Variants in TDRD3 observed in about 807,000 individuals in gnomAD.
TDRD3 encodes tudor domain containing 3, also known as tudor domain-containing protein 3.
TDRD3 carries 45 observed loss-of-function variants against 86.7 expected under a neutral mutation model. That is an observed-to-expected ratio of 0.52 (90% CI 0.41 to 0.67). The LOEUF is 0.67. TDRD3 is among the 30% of genes least tolerant of loss of function. TDRD3 has a pLI of 0.00. For missense variants in TDRD3, 814 were observed against 889.0 expected, an observed-to-expected ratio of 0.92 and a Z score of 1.07; for synonymous variants, 298 against 301.7, an observed-to-expected ratio of 0.99 and a Z score of 0.13.
At chr13:60,424,010 G>T (rs1053225425) in intron 1 of TDRD3, among the ~76,000 whole-genome samples, 1 of 151,566 alleles carries the variant, frequency 6.6e-6, no homozygotes, top group Non-Finnish European at 1.5e-5. Context: ...CCATGCAGTG[G>T]TTTTTTTTGT....
At chr13:60,507,628 C>T (rs901163486) in intron 8 of TDRD3, among the ~76,000 whole-genome samples, 10 of 152,114 alleles carry the variant, frequency 6.6e-5, no homozygotes, top group African/African-American at 2.4e-4. Flanking sequence ...TAAATAAGTT[C>T]TTTGAAACCA....
intron 8 of TDRD3, among the ~76,000 whole-genome samples, chr13:60,500,620 A>G (rs940360720): frequency 1.3e-5 from 2 of 152,252 alleles, no homozygotes; most frequent in South Asian, 4.1e-4. Context: ...CTAGTTGTGC[A>G]CTTTGCATTT....
chr13:60,409,724 A>G (rs1443156596), intron 1 of TDRD3, among the ~76,000 whole-genome samples: 1 of 152,218 alleles, frequency 6.6e-6, no homozygotes, highest in African/African-American at 2.4e-5. Context: ...TTTTGATTGT[A>G]CAGGCTCATA....
intron 1 of TDRD3, among the ~76,000 whole-genome samples, chr13:60,438,680 G>A (rs946067816): frequency 6.6e-6 from 1 of 151,670 alleles, no homozygotes; most frequent in African/African-American, 2.4e-5. Flanking sequence ...TTTTTTGGTT[G>A]CTATTTCTGG....
chr13:60,526,796 C>T (rs1007228620), intron 10 of TDRD3, among the ~76,000 whole-genome samples: 3 of 151,856 alleles, frequency 2.0e-5, no homozygotes, highest in Non-Finnish European at 2.9e-5. Flanking sequence ...TTCTAGCTTC[C>T]ATTGGTTCGG....
intron 5 of TDRD3, among the ~76,000 whole-genome samples, chr13:60,474,345 C>T (rs973422777): frequency 3.9e-5 from 6 of 152,182 alleles, no homozygotes; most frequent in African/African-American, 9.6e-5. Context: ...GGGGTCACTA[C>T]CGGTCTCCGC....
chr13:60,541,022 A>C (rs766207892), intron 12 of TDRD3, among the ~76,000 whole-genome samples: 1 of 152,204 alleles, frequency 6.6e-6, no homozygotes, highest in Admixed American at 6.5e-5. Flanking sequence ...TTATTTAACT[A>C]TTACTAAGTG....
At chr13:60,476,530 G>T (rs184074206) in intron 5 of TDRD3, among the ~76,000 whole-genome samples, 6 of 152,046 alleles carry the variant, frequency 3.9e-5, no homozygotes, top group Admixed American at 6.5e-5. Flanking sequence ...TTGTATTGGT[G>T]ATATGGGCTC....
intron 5 of TDRD3, among the ~76,000 whole-genome samples, chr13:60,476,542 T>G (rs1158710383): frequency 2.0e-5 from 3 of 152,162 alleles, no homozygotes; most frequent in African/African-American, 7.2e-5. Flanking sequence ...TATGGGCTCA[T>G]TTTTGGTTCC....
intron 7 of TDRD3, among the ~76,000 whole-genome samples, chr13:60,488,603 T>C (rs536620223): frequency 6.6e-6 from 1 of 152,278 alleles, no homozygotes; most frequent in East Asian, 1.9e-4. Context: ...TGACAGAGTC[T>C]TGCTCTGTTG....
intron 2 of TDRD3, 66 bp from the exon 3 acceptor site, chr13:60,444,617 C>A: frequency 1.1e-6 from 1 of 926,672 alleles, no homozygotes; most frequent in South Asian, 2.0e-5. Flanking sequence ...ATCTTTTGTT[C>A]ATGAGGTTAG....
upstream of TDRD3, chr13:60,396,835 CCT>C (rs573703498): frequency 3.9e-3 from 601 of 152,612 alleles, 3 homozygotes; most frequent in Non-Finnish European, 6.5e-3. Context: ...GCTGGGGACA[CCT>C]CTGAGTTTTG....
chr13:60,404,807 G>A (rs1037747482), intron 1 of TDRD3, among the ~76,000 whole-genome samples: 8 of 152,194 alleles, frequency 5.3e-5, no homozygotes, highest in African/African-American at 1.4e-4. Context: ...TTGGTTCTGC[G>A]TCCTCACCCA....
rs1047501027 is a variant in TDRD3, at chr13:60,484,887, C to G, written c.568-912C>G. On this transcript the variant is annotated intron_variant, in intron 6 of 13. Transcript: ENST00000377881. ...TAAACATTTTGGTGATAATATTTCTCTTCCAGAGACTTATGATCTAATTAT... is the reference window on the plus strand; with the variant it reads ...TAAACATTTTGGTGATAATATTTCTGTTCCAGAGACTTATGATCTAATTAT... 3.2e-5 allele frequency: 9 copies of G among 281,098 alleles called. 1 individual carries two copies. The highest frequency in any genetic ancestry group is 2.8e-4 in the South Asian group (8 of 28,556). The allele number at this position is 281,098 out of a possible 1,614,324, so 17.4% of individuals were successfully genotyped here. A position where few individuals can be genotyped will look rare whatever the true frequency, so the allele number is the denominator to read the frequency against.
intron 3 of TDRD3, among the ~76,000 whole-genome samples, chr13:60,451,745 A>T (rs1955548947): frequency 1.3e-5 from 2 of 152,172 alleles, no homozygotes; most frequent in African/African-American, 4.8e-5. Flanking sequence ...TGTATATGAG[A>T]TTCAATTGAG....
intron 4 of TDRD3, among the ~76,000 whole-genome samples, chr13:60,465,417 A>G (rs1955896979): frequency 6.6e-6 from 1 of 152,186 alleles, no homozygotes; most frequent in Non-Finnish European, 1.5e-5. Flanking sequence ...GATGGTTACT[A>G]CATTTACCAC....
intron 10 of TDRD3, among the ~76,000 whole-genome samples, chr13:60,523,573 CTTTTTTT>C (rs67692021): frequency 2.9e-5 from 3 of 105,052 alleles, no homozygotes; most frequent in African/African-American, 7.2e-5. Context: ...ATACATTTTT[CTTTTTTT>C]TTTTTTTTTT....
At chr13:60,468,157 A>T (rs1028277176) in intron 5 of TDRD3, among the ~76,000 whole-genome samples, 2 of 152,152 alleles carry the variant, frequency 1.3e-5, no homozygotes, top group Non-Finnish European at 2.9e-5. Context: ...TGCCATTTAT[A>T]TTCTAGCCCT....
chr13:60,425,118 CTA>C (rs1402319363), intron 1 of TDRD3, among the ~76,000 whole-genome samples: 2 of 152,040 alleles, frequency 1.3e-5, no homozygotes, highest in African/African-American at 4.8e-5. Context: ...AAATGCATAA[CTA>C]TGTAAAATAA....
Sources: allele counts gnomAD v4.1 joint callset (sites outside exome capture counted in the v4.1 genomes callset), GRCh38; gene constraint gnomAD v4.1.1; transcripts MANE v1.5; gene names NCBI Gene and HGNC (gene_info 2026-07-23, HGNC 2026-07-21).